HECA: variants seen among roughly 807,000 people sequenced by gnomAD.
HECA encodes the protein HECA ribonucleoprotein granule regulator, also known as headcase protein homolog.
A neutral mutation model predicts 37.6 loss-of-function variants in HECA; 13 were observed. The ratio of observed to expected loss-of-function variants is 0.35; its 90% CI spans 0.23 to 0.55. The LOEUF (loss-of-function observed/expected upper bound fraction) is 0.55, where lower values mean the gene tolerates loss of function less well. Ranked by LOEUF, HECA falls within the 20% of genes least tolerant of loss-of-function variation. The pLI is 0.90. For synonymous variants in HECA, 307 were observed against 291.5 expected (o/e 1.05, Z -0.54); for missense variants, 527 against 701.9 (o/e 0.75, Z 2.82).
intron 2 of HECA, among the ~76,000 whole-genome samples, chr6:139,172,582 G>A (rs569756116): frequency 3.5e-4 from 54 of 152,190 alleles, no homozygotes; most frequent in African/African-American, 1.2e-3. Context: ...CTGAAGAATC[G>A]GCTTTTTGTT....
intron 1 of HECA, among the ~76,000 whole-genome samples, chr6:139,143,623 G>T (rs1253426082): frequency 6.6e-6 from 1 of 152,198 alleles, no homozygotes; most frequent in Non-Finnish European, 1.5e-5. Flanking sequence ...AGCACTTTGG[G>T]AGGCTGAGGC....
chr6:139,147,348 G>A (rs969701731), intron 1 of HECA, among the ~76,000 whole-genome samples: 7 of 152,130 alleles, frequency 4.6e-5, no homozygotes, highest in South Asian at 4.1e-4. Flanking sequence ...CTTATGGGTC[G>A]GGCGTAGTGG....
chr6:139,135,464 A>C lies in HECA; in HGVS notation c.68A>C (p.Gln23Pro). ...CGCGCCAACAGCAGCGGCGACGAGC[A>C]GGAAAATGGAGCCGGGGCCCTGGCA... ...NKRANSSGDE[Q>P]ENGAGALAAA... Residue 23 changes from glutamine (Q) to proline (P), a missense_variant, in exon 1 of 4, where the codon CAG becomes CCG. Physicochemically the swap from Gln to Pro is moderately conservative, Grantham distance 76 (BLOSUM62 -1). Transcript: ENST00000367658. 2 of 1,321,660 alleles carry C rather than the reference A, an allele frequency of 1.5e-6. No individual in the cohort carries two copies. The highest frequency in any genetic ancestry group is 2.0e-6 in the Non-Finnish European group (2 of 1,012,180). The allele number at this position is 1,321,660 out of a possible 1,614,324, so 81.9% of individuals were successfully genotyped here.
At chr6:139,136,687 C>T (rs1774451253) in intron 1 of HECA, among the ~76,000 whole-genome samples, 1 of 150,714 alleles carries the variant, frequency 6.6e-6, no homozygotes, top group Non-Finnish European at 1.5e-5. Context: ...CAGGCTGGAG[C>T]GTAGTGGCGC....
At chr6:139,153,529 T>C (rs1455507380) in intron 1 of HECA, among the ~76,000 whole-genome samples, 1 of 152,004 alleles carries the variant, frequency 6.6e-6, no homozygotes, top group Non-Finnish European at 1.5e-5. Flanking sequence ...TTCAAGTGAT[T>C]TTTCTGCCTC....
intron 1 of HECA, among the ~76,000 whole-genome samples, chr6:139,160,197 TACTG>T (rs1774777870): frequency 2.0e-5 from 3 of 152,194 alleles, no homozygotes; most frequent in Admixed American, 1.3e-4. Context: ...AGAAGCTGGG[TACTG>T]ACTACTTGAT....
At chr6:139,148,458 T>C (rs1283616329) in intron 1 of HECA, among the ~76,000 whole-genome samples, 1 of 152,218 alleles carries the variant, frequency 6.6e-6, no homozygotes, top group Non-Finnish European at 1.5e-5. Context: ...TGGAAGGCTC[T>C]GTTTCTCAGA....
Position 139,178,996 on chromosome 6 carries a change from G to C in HECA, c.*1891G>C, listed in dbSNP as rs1267464840. The C allele has an allele frequency of 6.6e-6, 1 of 152,168 alleles. No homozygotes were observed. The highest frequency in any genetic ancestry group is 1.5e-5 in the Non-Finnish European group (1 of 68,030). The allele number at this position is 152,168 out of a possible 1,614,324, so 9.4% of individuals were successfully genotyped here. A position where few individuals can be genotyped will look rare whatever the true frequency, so the allele number is the denominator to read the frequency against. ...GGATGATTTGGTTTGCTGCATCTAG[G>C]TTGGTGTTTGATCATCTGAAAAAAC... On this transcript the variant is annotated 3_prime_UTR_variant, in exon 4 of 4. Coordinates refer to ENST00000367658, the MANE Select transcript of HECA (RefSeq NM_016217.3).
intron 1 of HECA, among the ~76,000 whole-genome samples, chr6:139,158,521 G>C (rs950228574): frequency 6.3e-5 from 9 of 143,028 alleles, no homozygotes; most frequent in African/African-American, 2.4e-4. Context: ...AAAAAAATCA[G>C]CTGGGAGTGG....
At chr6:139,147,514 A>C (rs533911871) in intron 1 of HECA, among the ~76,000 whole-genome samples, 1 of 151,972 alleles carries the variant, frequency 6.6e-6, no homozygotes, top group Non-Finnish European at 1.5e-5. Flanking sequence ...AGTCCCAGCT[A>C]CTCGGGAGGC....
At chr6:139,172,630 T>C (rs1477696222) in intron 2 of HECA, among the ~76,000 whole-genome samples, 1 of 152,228 alleles carries the variant, frequency 6.6e-6, no homozygotes, top group African/African-American at 2.4e-5. Flanking sequence ...AAATTCTCTG[T>C]GGTCAGGACA....
At chr6:139,140,030 A>T (rs1774495138) in intron 1 of HECA, among the ~76,000 whole-genome samples, 1 of 152,210 alleles carries the variant, frequency 6.6e-6, no homozygotes, top group Non-Finnish European at 1.5e-5. Context: ...AATTCCATAT[A>T]TCTGTTGACA....
At chr6:139,149,828 G>T (rs910715943) in intron 1 of HECA, among the ~76,000 whole-genome samples, 1 of 152,172 alleles carries the variant, frequency 6.6e-6, no homozygotes, top group Non-Finnish European at 1.5e-5. Flanking sequence ...CTTGAGGAGG[G>T]TTCTTTCACC....
At chr6:139,168,976 C>G (rs928396004) in intron 2 of HECA, among the ~76,000 whole-genome samples, 2 of 151,934 alleles carry the variant, frequency 1.3e-5, no homozygotes, top group Non-Finnish European at 2.9e-5. Flanking sequence ...ATCTCCACCC[C>G]TCCATGAAGG....
rs199625093 is a variant in HECA at position 139,166,277 on chromosome 6, C to T, written c.272-7C>T. The stretch of plus-strand genomic sequence containing the variant: ...TGAAATCTGTTCTCTCTTTATTCCT[C>T]CCCCAGAAGCCCCATGTGCCACTCC... On this transcript the variant is annotated splice_polypyrimidine_tract_variant and splice_region_variant and intron_variant, in intron 1 of 3. Coordinates refer to ENST00000367658, the MANE Select transcript of HECA (RefSeq NM_016217.3). 3.8e-6 allele frequency: 6 copies of T among 1,581,012 alleles called. No individual in the cohort carries two copies. The highest frequency in any genetic ancestry group is 3.6e-5 in the Admixed American group (2 of 55,460).
intron 1 of HECA, among the ~76,000 whole-genome samples, chr6:139,165,873 A>G (rs1251020063): frequency 6.6e-6 from 1 of 152,168 alleles, no homozygotes; most frequent in Non-Finnish European, 1.5e-5. Context: ...CTGTCCTGGT[A>G]GCTTTGGAAG....
rs535449678 is a variant in HECA, at chr6:139,166,981, T to C, written c.969T>C (p.Asp323=). ...GGHVFRNAHF[D]YSPAGLAVHR... is the part of the protein sequence containing the mutation. Reference sequence around the variant, plus strand: ...ATGTGTTCAGAAATGCCCACTTTGATTACAGCCCTGCGGGGTTGGCAGTTC... The same window carrying C: ...ATGTGTTCAGAAATGCCCACTTTGACTACAGCCCTGCGGGGTTGGCAGTTC... Residue 323 remains aspartate (D), a synonymous_variant, in exon 2 of 4, where the codon GAT becomes GAC. Transcript: ENST00000367658. 6.2e-7 allele frequency: 1 copy of C among 1,614,212 alleles called. No individual in the cohort carries two copies. The highest frequency in any genetic ancestry group is 1.3e-5 in the African/African-American group (1 of 75,072).
At position 139,176,027 on chromosome 6, in the gene HECA, A is replaced by G. The variant is rs1356567635; in HGVS notation, c.1468-914A>G. On this transcript the variant is annotated intron_variant, in intron 3 of 3. Coordinates refer to ENST00000367658, the MANE Select transcript of HECA (RefSeq NM_016217.3). This position sits in a 1 kb window ranked among gnomAD's most constrained non-coding sequence, Gnocchi z 4.5. ...AAGATGTAGCCAAAAATAAGCAATA[A>G]TTGATTCTTAGAAAGGTATAACAGT... 6.6e-6 allele frequency among the ~76,000 whole-genome samples: 1 copy of G among 152,254 alleles called. No homozygotes were observed. Among genetic ancestry groups the G allele is most frequent in the East Asian group, 1.9e-4 (1 of 5,202 alleles).
rs1299112957 is a variant in HECA at position 139,144,867 on chromosome 6, A to G, written c.271+9200A>G. Among the ~76,000 whole-genome samples, 7 of 152,280 alleles carry G rather than the reference A, an allele frequency of 4.6e-5. No homozygotes were observed. In the East Asian group the frequency reaches 5.8e-4, roughly 13 times the overall value. ...TCCAAGACTGCTGTATGGAAAGCCT[A>G]TCTTAATTGTGGGCAGCAGCAGCCC... is the stretch of plus-strand genomic sequence containing the variant. On this transcript the variant is annotated intron_variant, in intron 1 of 3. Coordinates refer to ENST00000367658, the MANE Select transcript of HECA (RefSeq NM_016217.3).
Sources: allele counts gnomAD v4.1 joint callset (sites outside exome capture counted in the v4.1 genomes callset), GRCh38; gene constraint gnomAD v4.1.1; non-coding constraint Gnocchi (gnomAD v3.1); transcripts MANE v1.5; gene names NCBI Gene and HGNC (gene_info 2026-07-23, HGNC 2026-07-21).